Variants in AK2 observed in about 807,000 individuals in gnomAD.
AK2 encodes adenylate kinase 2.
A neutral mutation model predicts 24.6 loss-of-function variants in AK2; 15 were observed. That is an observed-to-expected ratio of 0.61 (90% CI 0.41 to 0.94). The LOEUF is 0.94. Ranked by LOEUF, AK2 falls within the 40% of genes least tolerant of loss-of-function variation. The pLI is 0.00. For synonymous variants in AK2, 102 were observed against 114.0 expected (o/e 0.90, Z 0.67); for missense variants, 257 against 304.1 (o/e 0.85, Z 1.15).
intron 1 of AK2, among the ~76,000 whole-genome samples, chr1:33,028,311 A>G (rs558817799): frequency 6.6e-6 from 1 of 152,182 alleles, no homozygotes; most frequent in South Asian, 2.1e-4. Context: ...CAAGACCAGC[A>G]TGACCAACAT....
chr1:33,021,765 C>A (rs1639575309), intron 2 of AK2, 62 bp from the exon 3 acceptor site: 3 of 1,280,750 alleles, frequency 2.3e-6, no homozygotes, highest in African/African-American at 2.9e-5. Flanking sequence ...CTGACATTAG[C>A]CCAACTCCAC....
intron 1 of AK2, among the ~76,000 whole-genome samples, chr1:33,026,364 A>C (rs139979574): frequency 6.6e-6 from 1 of 152,324 alleles, no homozygotes; most frequent in African/African-American, 2.4e-5. Flanking sequence ...TGCCTGGCTA[A>C]TTTTTATGTA....
At position 33,010,454 on chromosome 1, in the gene AK2, G is replaced by A. The variant is rs1297341042; in HGVS notation, c.*2727C>T. 1 of 564,274 alleles carries A rather than the reference G, an allele frequency of 1.8e-6. No individual in the cohort carries two copies. The highest frequency in any genetic ancestry group is 3.3e-6 in the Non-Finnish European group (1 of 299,662). 35.0% of individuals were successfully genotyped at this position (564,274 alleles called of 1,614,324 possible). A position where few individuals can be genotyped will look rare whatever the true frequency, so the allele number is the denominator to read the frequency against. ...TTTGATTTCCTGTACTCTTGGTCTG[G>A]AACCCATGGGGTTCTGAGATAAAAG... On this transcript the variant is annotated 3_prime_UTR_variant, in exon 6 of 6. Transcript: ENST00000672715.
chr1:33,013,158 G>A lies in AK2; in HGVS notation c.*23C>T, dbSNP rs760411755. 6.2e-7 allele frequency: 1 copy of A among 1,614,150 alleles called. No homozygotes were observed. Among genetic ancestry groups the A allele is most frequent in the South Asian group, 1.1e-5 (1 of 91,060 alleles). The stretch of plus-strand genomic sequence containing the variant: ...ACCCATTGCCTCACAGGGATGGAAA[G>A]AAATTCCTTCTTGGACCCAACATTA... On this transcript the variant is annotated 3_prime_UTR_variant, in exon 6 of 6. Coordinates refer to ENST00000672715, the MANE Select transcript of AK2 (RefSeq NM_001625.4).
chr1:33,036,508 A>G (rs562898786), intron 1 of AK2, among the ~76,000 whole-genome samples: 2 of 152,140 alleles, frequency 1.3e-5, no homozygotes, highest in South Asian at 2.1e-4. Flanking sequence ...CCCTAACCCA[A>G]CACTTCAACA....
chr1:33,020,388 A>G (rs1639462963), intron 4 of AK2, among the ~76,000 whole-genome samples: 1 of 152,258 alleles, frequency 6.6e-6, no homozygotes, highest in African/African-American at 2.4e-5. Context: ...ATGTAAAGAC[A>G]TTAACATTTC....
intron 1 of AK2, among the ~76,000 whole-genome samples, chr1:33,027,827 T>C (rs1639995327): frequency 6.6e-6 from 1 of 151,884 alleles, no homozygotes; most frequent in Admixed American, 6.6e-5. Context: ...GTCAATGTGG[T>C]AGGCTGTAAA....
At position 33,010,921 on chromosome 1, in the gene AK2, A is replaced by G; in HGVS notation, c.*2260T>C. The G allele has an allele frequency of 6.3e-7, 1 of 1,597,318 alleles. No individual in the cohort carries two copies. Among genetic ancestry groups the G allele is most frequent in the Non-Finnish European group, 8.5e-7 (1 of 1,171,478 alleles). On this transcript the variant is annotated 3_prime_UTR_variant, in exon 6 of 6. Coordinates refer to ENST00000672715, the MANE Select transcript of AK2 (RefSeq NM_001625.4). The stretch of plus-strand genomic sequence containing the variant: ...GGAGGCTGGCATGTAAGCCCCAGCA[A>G]CCAAATGCATTAAACACTGGACATT...
At position 33,013,049 on chromosome 1, in the gene AK2, C is replaced by A; in HGVS notation, c.*132G>T. On this transcript the variant is annotated 3_prime_UTR_variant, in exon 6 of 6. Transcript: ENST00000672715. The stretch of plus-strand genomic sequence containing the variant: ...AGTAGCACACACGCCAAAGATACAT[C>A]AAGCAAGTGCTTTTTTAATCAATAC... 2 of 1,601,144 alleles carry A rather than the reference C, an allele frequency of 1.2e-6. No individual in the cohort carries two copies. The highest frequency in any genetic ancestry group is 2.2e-5 in the South Asian group (2 of 90,228).
Position 33,011,740 on chromosome 1 carries a change from A to G in AK2, c.*1441T>C. On this transcript the variant is annotated 3_prime_UTR_variant, in exon 6 of 6. Coordinates refer to ENST00000672715, the MANE Select transcript of AK2 (RefSeq NM_001625.4). ...TTGCCACAAATCAAACCAGAGACCA[A>G]AAGACAGCAGGGACCTTAGAAAATG... 1 of 1,367,640 alleles carries G rather than the reference A, an allele frequency of 7.3e-7. No homozygotes were observed. The highest frequency in any genetic ancestry group is 9.6e-7 in the Non-Finnish European group (1 of 1,041,682). 84.7% of individuals were successfully genotyped at this position (1,367,640 alleles called of 1,614,324 possible).
rs762216621 is a variant in AK2 at position 33,012,996 on chromosome 1, ACACAC to A, written c.*180_*184del. The A allele has an allele frequency of 2.3e-5, 37 of 1,591,368 alleles. No individual in the cohort carries two copies. The highest frequency in any genetic ancestry group is 3.1e-5 in the Non-Finnish European group (37 of 1,175,254). ...CACATATGTGCATGCACACACACACACACACAACACACATACACACAGATGAGAGT... is the reference window on the plus strand; with the variant it reads ...CACATATGTGCATGCACACACACACAAACACACATACACACAGATGAGAGT... On this transcript the variant is annotated 3_prime_UTR_variant, in exon 6 of 6. Coordinates refer to ENST00000672715, the MANE Select transcript of AK2 (RefSeq NM_001625.4).
chr1:33,028,185 T>TA (rs1158793720), intron 1 of AK2, among the ~76,000 whole-genome samples: 1 of 152,104 alleles, frequency 6.6e-6, no homozygotes, highest in Non-Finnish European at 1.5e-5. Context: ...TCACAGACTC[T>TA]AAATCACTGG....
At chr1:33,023,881 T>A (rs914374082) in intron 2 of AK2, among the ~76,000 whole-genome samples, 3 of 152,136 alleles carry the variant, frequency 2.0e-5, no homozygotes, top group Non-Finnish European at 4.4e-5. Flanking sequence ...CTCTAAAAAG[T>A]CTTACAAGGC....
At chr1:33,020,802 G>A (rs1557621000) in intron 4 of AK2, among the ~76,000 whole-genome samples, 1 of 149,136 alleles carries the variant, frequency 6.7e-6, no homozygotes, top group African/African-American at 2.5e-5. Context: ...CCAAGATCGC[G>A]CCACTGCACT....
chr1:33,033,939 T>A (rs1160291174), intron 1 of AK2, among the ~76,000 whole-genome samples: 1 of 152,124 alleles, frequency 6.6e-6, no homozygotes, highest in Non-Finnish European at 1.5e-5. Context: ...AATGGTGAGA[T>A]CCCAGCTCAC....
chr1:33,011,883 G>T lies in AK2; in HGVS notation c.*1298C>A, dbSNP rs115006089. 2 of 1,529,188 alleles carry T rather than the reference G, an allele frequency of 1.3e-6. No homozygotes were observed. The highest frequency in any genetic ancestry group is 8.7e-7 in the Non-Finnish European group (1 of 1,144,470). 94.7% of individuals were successfully genotyped at this position (1,529,188 alleles called of 1,614,324 possible). On this transcript the variant is annotated 3_prime_UTR_variant, in exon 6 of 6. Transcript: ENST00000672715. ...GGCTATAGCCATCATAAAATTAGGG[G>T]TGAAGGGTTGGATCTAGAAAGGAGA...
chr1:33,008,489 G>A lies in AK2; in HGVS notation c.*4692C>T, dbSNP rs992980874. On this transcript the variant is annotated 3_prime_UTR_variant, in exon 6 of 6. Transcript: ENST00000672715. Reference sequence around the variant, plus strand: ...CAGTGACTTCTTCAAAATCAGTTCCGGCAGCGCTGAGTGTCCATGGAAAAG... The same window carrying A: ...CAGTGACTTCTTCAAAATCAGTTCCAGCAGCGCTGAGTGTCCATGGAAAAG... The A allele has an allele frequency of 3.1e-5, 14 of 453,906 alleles. No homozygotes were observed. The highest frequency in any genetic ancestry group is 1.4e-4 in the African/African-American group (7 of 49,958). 28.1% of individuals were successfully genotyped at this position (453,906 alleles called of 1,614,324 possible).
Position 33,024,154 on chromosome 1 carries a change from G to C in AK2, c.219+288C>G, listed in dbSNP as rs187372625. 10 of 372,924 alleles carry C rather than the reference G, an allele frequency of 2.7e-5. No homozygotes were observed. The East Asian group carries it at 6.0e-4, about 22-fold the overall frequency. 23.1% of individuals were successfully genotyped at this position (372,924 alleles called of 1,614,324 possible). ...CCACTGCACTCCAGCCTGGGCGACA[G>C]AGCGAGACTTTGTCAAAAAAAAAAG... On this transcript the variant is annotated intron_variant, in intron 2 of 5. Coordinates refer to ENST00000672715, the MANE Select transcript of AK2 (RefSeq NM_001625.4).
At chr1:33,030,954 C>G (rs1640199760) in intron 1 of AK2, 1 of 152,180 alleles carries the variant, frequency 6.6e-6, no homozygotes, top group Non-Finnish European at 1.5e-5. Flanking sequence ...CTACACAAAT[C>G]TGTTCACATT....
Sources: allele counts gnomAD v4.1 joint callset (sites outside exome capture counted in the v4.1 genomes callset), GRCh38; gene constraint gnomAD v4.1.1; transcripts MANE v1.5; gene names NCBI Gene and HGNC (gene_info 2026-07-23, HGNC 2026-07-21).